Variants in CYFIP1 observed in about 807,000 individuals in gnomAD.
CYFIP1 encodes the protein cytoplasmic FMR1-interacting protein 1.
CYFIP1 carries 58 observed loss-of-function variants against 163.5 expected under a neutral mutation model. The observed-to-expected ratio is 0.35, with a 90% CI of 0.29 to 0.44. The LOEUF (loss-of-function observed/expected upper bound fraction) is 0.44. Ranked by LOEUF, CYFIP1 falls within the 20% of genes least tolerant of loss-of-function variation. CYFIP1 has a pLI of 1.00. For synonymous variants in CYFIP1, 663 were observed against 660.7 expected (o/e 1.00, Z -0.05); for missense variants, 1,338 against 1,653.8 (o/e 0.81, Z 3.31).
At chr15:22,949,514 C>T (rs1003624282) in intron 1 of CYFIP1, among the ~76,000 whole-genome samples, 3 of 152,112 alleles carry the variant, frequency 2.0e-5, no homozygotes, top group Non-Finnish European at 2.9e-5. Context: ...GCAGGCTAAG[C>T]GGCGAGGGCG....
intron 13 of CYFIP1, among the ~76,000 whole-genome samples, chr15:22,920,615 C>T (rs59413773): frequency 0.37 from 56,479 of 151,884 alleles, 10,792 homozygotes; most frequent in East Asian, 0.55. Flanking sequence ...CCTTCTATAA[C>T]GTAAAGAATT....
In CYFIP1 at chr15:22,926,135, T is replaced by C. The variant is rs768825093; in HGVS notation, c.1234-28A>G. On this transcript the variant is annotated intron_variant, in intron 12 of 30. Coordinates refer to ENST00000617928, the MANE Select transcript of CYFIP1 (RefSeq NM_014608.6). ...GTGGTGGCCGAAAGAGCAGAGGTGT[T>C]CCATATTGCATGCAAAACGCCTGGC... The C allele has an allele frequency of 4.3e-6, 7 of 1,613,070 alleles. 1 individual carries two copies. The South Asian group carries it at 7.7e-5, about 18-fold the overall frequency.
rs1216549523 is a variant in CYFIP1 at position 22,917,117 on chromosome 15, C to G, written c.1675-487G>C. ...CCCAGGCAGGGACACGGGACGCACGCAGAGGGAGGCAGGGAGGGTGGCTGG... is the reference window on the plus strand; with the variant it reads ...CCCAGGCAGGGACACGGGACGCACGGAGAGGGAGGCAGGGAGGGTGGCTGG... On this transcript the variant is annotated intron_variant, in intron 15 of 30. Transcript: ENST00000617928. The surrounding 1 kb of genome is among the most constrained non-coding windows in gnomAD (Gnocchi z 4.2). 80 of 1,449,294 alleles carry G rather than the reference C, an allele frequency of 5.5e-5. 1 individual carries two copies. The South Asian group carries it at 6.8e-4, about 12-fold the overall frequency. The allele number at this position is 1,449,294 out of a possible 1,614,324, so 89.8% of individuals were successfully genotyped here.
In CYFIP1 at chr15:22,881,856, G is replaced by T; in HGVS notation, c.2901C>A (p.Tyr967Ter). Residue 967 changes from tyrosine to a stop codon, truncating the protein, a stop_gained, in exon 25 of 31, where the codon TAC (tyrosine) becomes TAA (stop). Transcript: ENST00000617928. LOFTEE classifies it high-confidence loss of function. ...CACGCCCGCACTCACCAGGAGAGCC[G>T]TACTCGTGCCGGGGCAGGCGGCAGA... is the stretch of plus-strand genomic sequence containing the variant. ...PKICRLPRHE[Y>*]GSPGILEFFH... 6.2e-7 allele frequency: 1 copy of T among 1,611,024 alleles called. No individual in the cohort carries two copies. The highest frequency in any genetic ancestry group is 8.5e-7 in the Non-Finnish European group (1 of 1,179,922).
chr15:22,927,085 C>T (rs1283692809), intron 12 of CYFIP1, among the ~76,000 whole-genome samples: 1 of 152,038 alleles, frequency 6.6e-6, no homozygotes, highest in Non-Finnish European at 1.5e-5. Context: ...GCCTGTAATC[C>T]CAGCACTTTG....
chr15:22,935,900 A>AT (rs2061696635), intron 9 of CYFIP1, among the ~76,000 whole-genome samples: 1 of 152,220 alleles, frequency 6.6e-6, no homozygotes, highest in Admixed American at 6.5e-5. Context: ...TAAACATACA[A>AT]TTTTTACTTG....
chr15:22,909,127 T>C, intron 21 of CYFIP1, 67 bp downstream of exon 21: 1 of 1,596,114 alleles, frequency 6.3e-7, no homozygotes, highest in South Asian at 1.1e-5. Context: ...ATCTCTTTTA[T>C]CATCTATACA....
intron 13 of CYFIP1, among the ~76,000 whole-genome samples, chr15:22,921,523 A>G (rs1438525221): frequency 6.6e-6 from 1 of 151,934 alleles, no homozygotes; most frequent in Non-Finnish European, 1.5e-5. Flanking sequence ...GAAAAAAAAG[A>G]CAGAGAAGCA....
chr15:22,871,223 A>C (rs181699524), intron 30 of CYFIP1, among the ~76,000 whole-genome samples: 35 of 152,340 alleles, frequency 2.3e-4, no homozygotes, highest in African/African-American at 6.3e-4. Flanking sequence ...ACACAAGGAA[A>C]CAGCAAAGTT....
intron 15 of CYFIP1, chr15:22,916,858 C>A: frequency 6.4e-7 from 1 of 1,552,292 alleles, no homozygotes; most frequent in South Asian, 1.2e-5. Context: ...CCATAAACGT[C>A]AAGAGAAACA....
At chr15:22,933,192 C>T (rs992621207) in intron 10 of CYFIP1, among the ~76,000 whole-genome samples, 1 of 152,012 alleles carries the variant, frequency 6.6e-6, no homozygotes, top group African/African-American at 2.4e-5. Context: ...CAGCACTGTC[C>T]AATAGGAATC....
rs199855104 is a variant in CYFIP1, at chr15:22,872,984, A to G, written c.3450-12T>C. Reference sequence around the variant, plus strand: ...CACCAAAGCACTGCCTAGGAACAAGAAGCAGAAACAGAATGGGAGATGAGT... The same window carrying G: ...CACCAAAGCACTGCCTAGGAACAAGGAGCAGAAACAGAATGGGAGATGAGT... On this transcript the variant is annotated splice_polypyrimidine_tract_variant and intron_variant, in intron 29 of 30. Coordinates refer to ENST00000617928, the MANE Select transcript of CYFIP1 (RefSeq NM_014608.6). The G allele has an allele frequency of 6.2e-7, 1 of 1,612,742 alleles. No homozygotes were observed. The highest frequency in any genetic ancestry group is 2.2e-5 in the East Asian group (1 of 44,876).
intron 1 of CYFIP1, among the ~76,000 whole-genome samples, chr15:22,973,292 T>A (rs1036254929): frequency 1.3e-4 from 15 of 115,518 alleles, no homozygotes; most frequent in African/African-American, 1.8e-4. Flanking sequence ...CCAGCCTGGG[T>A]GACAGAACGA....
chr15:22,928,782 G>T (rs1454673948), intron 11 of CYFIP1, among the ~76,000 whole-genome samples: 2 of 152,142 alleles, frequency 1.3e-5, no homozygotes, highest in Non-Finnish European at 2.9e-5. Context: ...ATATATTTAG[G>T]ACACAGAATT....
intron 8 of CYFIP1, among the ~76,000 whole-genome samples, chr15:22,938,488 CCA>C (rs1205260925): frequency 6.6e-6 from 1 of 151,992 alleles, no homozygotes; most frequent in Admixed American, 6.5e-5. Context: ...GCCTGTGGTC[CCA>C]GTTACTCAGG....
At chr15:22,881,517 CTG>C (rs1251827751) in intron 25 of CYFIP1, among the ~76,000 whole-genome samples, 1 of 147,894 alleles carries the variant, frequency 6.8e-6, no homozygotes, top group Non-Finnish European at 1.5e-5. Context: ...CTCGGTGGGC[CTG>C]TCTCTGAGCC....
chr15:22,916,724 C>G (rs181928454), intron 15 of CYFIP1, 94 bp from the exon 16 acceptor site: 2 of 1,613,860 alleles, frequency 1.2e-6, no homozygotes, highest in Non-Finnish European at 8.5e-7. Context: ...AGGACTGCTC[C>G]GCTACGCCCT....
At chr15:22,955,357 G>A (rs1201946470) in intron 1 of CYFIP1, among the ~76,000 whole-genome samples, 6 of 152,322 alleles carry the variant, frequency 3.9e-5, no homozygotes, top group African/African-American at 1.2e-4. Flanking sequence ...ACCCAGTGCC[G>A]GGTGCCCACC....
intron 23 of CYFIP1, among the ~76,000 whole-genome samples, chr15:22,889,419 G>A (rs554027349): frequency 1.0e-3 from 157 of 152,280 alleles, no homozygotes; most frequent in South Asian, 1.7e-3. Context: ...AAGCAACAGT[G>A]CCTCCCTGCA....
Sources: allele counts gnomAD v4.1 joint callset (sites outside exome capture counted in the v4.1 genomes callset), GRCh38; gene constraint gnomAD v4.1.1; non-coding constraint Gnocchi (gnomAD v3.1); transcripts MANE v1.5; gene names NCBI Gene and HGNC (gene_info 2026-07-23, HGNC 2026-07-21).